The following UNC5D variants were observed in gnomAD, a reference collection of about 807,000 sequenced individuals.
The protein encoded by UNC5D is netrin receptor UNC5D.
Under a neutral mutation model 105.4 loss-of-function variants are expected in UNC5D, and 39 were observed. The ratio of observed to expected loss-of-function variants is 0.37; its 90% CI spans 0.29 to 0.48. The LOEUF is 0.48. UNC5D is among the 20% of genes least tolerant of loss of function. The pLI, the probability that UNC5D is intolerant of heterozygous loss-of-function variation, is 0.98. For missense variants in UNC5D, 991 were observed against 1,202.4 expected, an observed-to-expected ratio of 0.82 and a Z score of 2.60; for synonymous variants, 452 against 450.4, an observed-to-expected ratio of 1.00 and a Z score of -0.04.
chr8:35,272,729 C>T lies in UNC5D; in HGVS notation c.103+36842C>T, dbSNP rs569415311. ...GGAGCTACTAGCTCAAAACAGTTCGCCACTTCTACATAAGATTGCAGTTTT... is the reference window on the plus strand; with the variant it reads ...GGAGCTACTAGCTCAAAACAGTTCGTCACTTCTACATAAGATTGCAGTTTT... On this transcript the variant is annotated intron_variant, in intron 1 of 16. Transcript: ENST00000404895. 1.3e-3 allele frequency among the ~76,000 whole-genome samples: 204 copies of T among 152,264 alleles called. 1 individual carries two copies. The highest frequency in any genetic ancestry group is 4.7e-3 in the African/African-American group (195 of 41,566).
chr8:35,352,811 C>T (rs1471880610), intron 1 of UNC5D, among the ~76,000 whole-genome samples: 1 of 152,050 alleles, frequency 6.6e-6, no homozygotes, highest in Non-Finnish European at 1.5e-5. Context: ...CGGGGTTTCA[C>T]CATGTTGGCC....
chr8:35,251,203 A>T (rs535243961), intron 1 of UNC5D, among the ~76,000 whole-genome samples: 2 of 152,258 alleles, frequency 1.3e-5, no homozygotes, highest in African/African-American at 4.8e-5. Context: ...AAGGAAAGAT[A>T]TTTAATTGAC....
intron 2 of UNC5D, among the ~76,000 whole-genome samples, chr8:35,562,909 A>G (rs1586139332): frequency 1.3e-5 from 2 of 151,956 alleles, no homozygotes; most frequent in East Asian, 3.9e-4. Flanking sequence ...AGTTTCTTCA[A>G]TGTTTTCTTT....
chr8:35,641,366 C>CAAAAAAAAAAAAAAAAAAACA (rs377021599), intron 4 of UNC5D, among the ~76,000 whole-genome samples: 7 of 44,288 alleles, frequency 1.6e-4, no homozygotes, highest in Non-Finnish European at 2.1e-4. Flanking sequence ...AAAAATAAAG[C>CAAAAAAAAAAAAAAAAAAACA]AAAAAAAAAA....
chr8:35,353,688 TAAAAAG>T (rs1224602393), intron 1 of UNC5D, among the ~76,000 whole-genome samples: 1 of 151,918 alleles, frequency 6.6e-6, no homozygotes, highest in Non-Finnish European at 1.5e-5. Context: ...TTATTATTCT[TAAAAAG>T]AAGAAGATAC....
chr8:35,360,331 T>G (rs188472698), intron 1 of UNC5D, among the ~76,000 whole-genome samples: 15 of 152,318 alleles, frequency 9.8e-5, no homozygotes, highest in Non-Finnish European at 2.2e-4. Context: ...TACTAGAAGC[T>G]TTCATTTTTG....
At chr8:35,445,549 T>A (rs1807722169) in intron 1 of UNC5D, among the ~76,000 whole-genome samples, 1 of 152,026 alleles carries the variant, frequency 6.6e-6, no homozygotes, top group African/African-American at 2.4e-5. Context: ...ACTTGACAAA[T>A]GAAGAAACTA....
intron 1 of UNC5D, among the ~76,000 whole-genome samples, chr8:35,477,966 C>T (rs748799863): frequency 1.3e-4 from 20 of 151,866 alleles, no homozygotes; most frequent in Non-Finnish European, 2.5e-4. Context: ...GATTTTGAAT[C>T]CCATGCTAGG....
intron 1 of UNC5D, among the ~76,000 whole-genome samples, chr8:35,267,763 T>C (rs1317696220): frequency 6.6e-6 from 1 of 152,182 alleles, no homozygotes; most frequent in Non-Finnish European, 1.5e-5. Flanking sequence ...TTGAACCGCA[T>C]AGATGTTCTC....
intron 1 of UNC5D, among the ~76,000 whole-genome samples, chr8:35,251,756 C>T (rs1371972075): frequency 3.3e-5 from 5 of 152,104 alleles, no homozygotes; most frequent in African/African-American, 1.2e-4. Flanking sequence ...TTAGGTATTA[C>T]ATCTCAGGAT....
intron 7 of UNC5D, among the ~76,000 whole-genome samples, chr8:35,689,020 G>A (rs537629570): frequency 1.2e-4 from 18 of 152,336 alleles, no homozygotes; most frequent in African/African-American, 4.1e-4. Flanking sequence ...TTATAAATTA[G>A]TACAGTTGGG....
rs955151383 is a variant in UNC5D, at chr8:35,246,918, G to A, written c.103+11031G>A. Among the ~76,000 whole-genome samples, 3 of 151,944 alleles carry A rather than the reference G, an allele frequency of 2.0e-5. No individual in the cohort carries two copies. The East Asian group carries it at 5.8e-4, about 29-fold the overall frequency. ...TTCTGTGGCTCTCTGTTTCCCATTT[G>A]CAAAGAAAAACAATCATAAAATTAC... On this transcript the variant is annotated intron_variant, in intron 1 of 16. Transcript: ENST00000404895.
At chr8:35,463,793 A>G (rs573666697) in intron 1 of UNC5D, among the ~76,000 whole-genome samples, 3 of 137,850 alleles carry the variant, frequency 2.2e-5, no homozygotes, top group East Asian at 2.0e-4. Context: ...CCTGTCTCAG[A>G]AAAAAAAAAA....
At chr8:35,753,364 G>C (rs1830375659) in intron 13 of UNC5D, among the ~76,000 whole-genome samples, 1 of 152,062 alleles carries the variant, frequency 6.6e-6, no homozygotes, top group Non-Finnish European at 1.5e-5. Context: ...CACCTCCCGG[G>C]TTCACGCCAT....
chr8:35,495,042 G>A (rs753758892), intron 1 of UNC5D, among the ~76,000 whole-genome samples: 4 of 152,024 alleles, frequency 2.6e-5, no homozygotes, highest in Non-Finnish European at 5.9e-5. Flanking sequence ...CCAGGGGACC[G>A]ATCCAGTGAG....
At chr8:35,787,651 T>G (rs1226909818) in intron 16 of UNC5D, among the ~76,000 whole-genome samples, 1 of 152,202 alleles carries the variant, frequency 6.6e-6, no homozygotes, top group African/African-American at 2.4e-5. Context: ...AGGGTCTCAC[T>G]CTGCTGCCCA....
chr8:35,258,099 T>A (rs982797430), intron 1 of UNC5D, among the ~76,000 whole-genome samples: 1 of 152,206 alleles, frequency 6.6e-6, no homozygotes, highest in Non-Finnish European at 1.5e-5. Flanking sequence ...GCCTGAGATT[T>A]GATGTCTAGG....
At chr8:35,387,592 G>C (rs1349373989) in intron 1 of UNC5D, among the ~76,000 whole-genome samples, 3 of 152,096 alleles carry the variant, frequency 2.0e-5, no homozygotes, top group Non-Finnish European at 4.4e-5. Flanking sequence ...ACAGAGTTGA[G>C]ATTCAGAATG....
chr8:35,605,720 T>C (rs924921641), intron 4 of UNC5D, among the ~76,000 whole-genome samples: 1 of 152,216 alleles, frequency 6.6e-6, no homozygotes, highest in African/African-American at 2.4e-5. Context: ...ATTTATTAAC[T>C]CAATCACTAG....
Sources: gnomAD v4.1 joint callset for allele counts (sites outside exome capture counted in the v4.1 genomes callset) on GRCh38, gnomAD v4.1.1 for gene constraint, MANE v1.5 for transcripts, NCBI Gene and HGNC (gene_info 2026-07-23, HGNC 2026-07-21) for gene names.